The following OPA1 variants were observed in gnomAD, a reference collection of about 807,000 sequenced individuals.
The protein encoded by OPA1 is dynamin-like GTPase OPA1, mitochondrial.
OPA1 carries 59 observed loss-of-function variants against 152.9 expected under a neutral mutation model. The observed-to-expected ratio is 0.39, with a 90% CI of 0.31 to 0.48. OPA1 has a LOEUF of 0.48. Among genes scored for constraint, OPA1 ranks in the 20% least tolerant of loss-of-function variants. The probability of loss-of-function intolerance (pLI) is 0.96; values close to 1 mark genes in which losing one functional copy is unlikely to be tolerated. For synonymous variants in OPA1, 400 were observed against 389.9 expected, an observed-to-expected ratio of 1.03 and a Z score of -0.31; for missense variants, 1,008 against 1,216.8, an observed-to-expected ratio of 0.83 and a Z score of 2.55.
rs938640104 is a variant in OPA1 at position 193,642,865 on chromosome 3, G to A, written c.1230+20G>A. On this transcript the variant is annotated intron_variant, in intron 12 of 30. Coordinates refer to ENST00000361510, the MANE Select transcript of OPA1 (RefSeq NM_130837.3). Reference sequence around the variant, plus strand: ...GAAGATGTAAGTAAAATTCATCTAAGGTTGATATGTGTAATTTTATAACCT... The same window carrying A: ...GAAGATGTAAGTAAAATTCATCTAAAGTTGATATGTGTAATTTTATAACCT... 11 of 1,579,994 alleles carry A rather than the reference G, an allele frequency of 7.0e-6. No individual in the cohort carries two copies. In the African/African-American group the frequency reaches 1.2e-4, roughly 17 times the overall value.
At position 193,643,548 on chromosome 3, in the gene OPA1, T is replaced by C. The variant is rs886043473; in HGVS notation, c.1398T>C (p.Ala466=). Reference sequence around the variant, plus strand: ...TTAAGACTGTGACATCAGGCATGGCTCCTGACACAAAGGAAACTATTTTCA... The same window carrying C: ...TTAAGACTGTGACATCAGGCATGGCCCCTGACACAAAGGAAACTATTTTCA... ...GVINTVTSGM[A]PDTKETIFSI... Residue 466 remains alanine, a synonymous_variant, in exon 15 of 31, where the codon GCT becomes GCC. Transcript: ENST00000361510. 6.2e-7 allele frequency: 1 copy of C among 1,613,650 alleles called. No individual in the cohort carries two copies. The highest frequency in any genetic ancestry group is 1.3e-5 in the African/African-American group (1 of 74,908).
intron 29 of OPA1, among the ~76,000 whole-genome samples, chr3:193,670,218 T>C (rs1459867023): frequency 6.6e-6 from 1 of 152,174 alleles, no homozygotes. Context: ...GAACATAGTG[T>C]GTTGGTTGAT....
intron 3 of OPA1, among the ~76,000 whole-genome samples, chr3:193,616,030 G>A (rs750599356): frequency 4.6e-5 from 7 of 151,976 alleles, no homozygotes; most frequent in Non-Finnish European, 7.4e-5. Flanking sequence ...TTAACTTATC[G>A]ATTGAGACAG....
At chr3:193,609,620 T>C (rs933993999) in intron 1 of OPA1, among the ~76,000 whole-genome samples, 13 of 152,236 alleles carry the variant, frequency 8.5e-5, no homozygotes, top group Admixed American at 5.9e-4. Context: ...CTGGATAATA[T>C]CCTGCAGAGT....
intron 1 of OPA1, among the ~76,000 whole-genome samples, chr3:193,600,303 T>A (rs1726270538): frequency 6.6e-6 from 1 of 152,142 alleles, no homozygotes; most frequent in Non-Finnish European, 1.5e-5. Flanking sequence ...CAGTATGGAG[T>A]CTCACACATC....
chr3:193,612,068 G>A (rs1279812878), intron 1 of OPA1, among the ~76,000 whole-genome samples: 1 of 151,968 alleles, frequency 6.6e-6, no homozygotes, highest in Non-Finnish European at 1.5e-5. Context: ...TGAATAAATT[G>A]GTAAATTCAT....
At chr3:193,615,281 A>G (rs370883682) in intron 2 of OPA1, among the ~76,000 whole-genome samples, 44 of 152,312 alleles carry the variant, frequency 2.9e-4, no homozygotes, top group African/African-American at 9.9e-4. Flanking sequence ...AGGAACACCT[A>G]GGTTTGATTT....
chr3:193,654,805 GT>G, intron 21 of OPA1, 56 bp from the exon 22 acceptor site: 1 of 1,553,360 alleles, frequency 6.4e-7, no homozygotes. Context: ...CAGTCAAGCT[GT>G]TTTTAAAAAC....
At chr3:193,614,398 C>A (rs147384782) in intron 1 of OPA1, among the ~76,000 whole-genome samples, 1 of 152,284 alleles carries the variant, frequency 6.6e-6, no homozygotes, top group African/African-American at 2.4e-5. Context: ...AGTCCCACTG[C>A]TTTGGTTTGA....
At chr3:193,661,432 C>T (rs959348693) in intron 25 of OPA1, among the ~76,000 whole-genome samples, 2 of 152,108 alleles carry the variant, frequency 1.3e-5, no homozygotes, top group Non-Finnish European at 2.9e-5. Context: ...CTATCCCTCC[C>T]ACTCCCAGTT....
intron 11 of OPA1, among the ~76,000 whole-genome samples, 172 bp downstream of exon 11, chr3:193,638,237 G>T (rs1350782003): frequency 2.0e-5 from 3 of 152,214 alleles, no homozygotes; most frequent in Non-Finnish European, 4.4e-5. Flanking sequence ...GGCCAGTGTG[G>T]CAGGAGCTGA....
intron 21 of OPA1, among the ~76,000 whole-genome samples, chr3:193,649,785 C>T (rs550892650): frequency 2.6e-5 from 4 of 152,126 alleles, no homozygotes; most frequent in East Asian, 3.8e-4. Context: ...TTTTAATCTC[C>T]GTTCCTTATC....
At chr3:193,659,644 G>C (rs1465596751) in intron 25 of OPA1, 83 bp downstream of exon 25, 1 of 983,292 alleles carries the variant, frequency 1.0e-6, no homozygotes, top group South Asian at 1.4e-5. Context: ...CCTTTTTGTG[G>C]CTCTAGACCA....
intron 23 of OPA1, 135 bp from the exon 24 acceptor site, chr3:193,658,752 T>A (rs1366570883): frequency 1.5e-6 from 1 of 664,624 alleles, no homozygotes; most frequent in East Asian, 2.8e-5. Flanking sequence ...TGCATTTTTA[T>A]AGGAAGGATA....
rs1008198499 is a variant in OPA1, at chr3:193,659,143, G to C, written c.2440+148G>C. On this transcript the variant is annotated intron_variant, in intron 24 of 30. Transcript: ENST00000361510. ...GAATATTATTTGTGGAATTTTTTTA[G>C]TCAACTGCTTTGTAACTACTAAAAC... 1.7e-5 allele frequency: 12 copies of C among 703,576 alleles called. No individual in the cohort carries two copies. The Admixed American group carries it at 2.7e-4, about 16-fold the overall frequency. 43.6% of individuals were successfully genotyped at this position (703,576 alleles called of 1,614,324 possible).
At position 193,645,760 on chromosome 3, in the gene OPA1, G is replaced by A; in HGVS notation, c.1714G>A (p.Glu572Lys). Reference protein sequence around the residue: ...NSSESIEAIREYEEEFFQNSK... With the variant: ...NSSESIEAIRKYEEEFFQNSK... ...CTCTGAAAGCATTGAAGCTATAAGA[G>A]AATATGAAGAAGAGTTTTTTCAGAA... The change falls in exon 18 of 31, where the codon GAA becomes AAA. Residue 572 changes from glutamate to lysine, a missense_variant. Glu to Lys is a moderately conservative substitution (Grantham distance 56, BLOSUM62 1). Transcript: ENST00000361510. 1 of 1,613,620 alleles carries A rather than the reference G, an allele frequency of 6.2e-7. No homozygotes were observed. Among genetic ancestry groups the A allele is most frequent in the East Asian group, 2.2e-5 (1 of 44,768 alleles).
chr3:193,695,411 A>G lies in OPA1; in HGVS notation c.*811A>G, dbSNP rs1722168682. ...CGGATTATGACACAGGATGAGGAAG[A>G]TTAAGGATAATCAATTGACTAATTT... is the stretch of plus-strand genomic sequence containing the variant. On this transcript the variant is annotated 3_prime_UTR_variant, in exon 31 of 31. Transcript: ENST00000361510. 1 of 152,228 alleles carries G rather than the reference A, an allele frequency of 6.6e-6. No individual in the cohort carries two copies. Among genetic ancestry groups the G allele is most frequent in the Non-Finnish European group, 1.5e-5 (1 of 68,038 alleles). 9.4% of individuals were successfully genotyped at this position (152,228 alleles called of 1,614,324 possible).
At chr3:193,684,839 G>A (rs1004601281) in intron 29 of OPA1, among the ~76,000 whole-genome samples, 3 of 152,142 alleles carry the variant, frequency 2.0e-5, no homozygotes, top group African/African-American at 7.2e-5. Context: ...AAGTTGAGTG[G>A]TCTAACAAGT....
chr3:193,599,411 T>G (rs1162624749), intron 1 of OPA1, among the ~76,000 whole-genome samples: 3 of 151,936 alleles, frequency 2.0e-5, no homozygotes, highest in African/African-American at 7.2e-5. Flanking sequence ...TTTTTTTTTT[T>G]TGTACTTTTT....
Sources: gnomAD v4.1 joint callset for allele counts (sites outside exome capture counted in the v4.1 genomes callset) on GRCh38, gnomAD v4.1.1 for gene constraint, MANE v1.5 for transcripts, NCBI Gene and HGNC (gene_info 2026-07-23, HGNC 2026-07-21) for gene names.